CPED1: variants seen among roughly 807,000 people sequenced by gnomAD.
The protein encoded by CPED1 is cadherin-like and PC-esterase domain-containing protein 1.
Under a neutral mutation model 128.2 loss-of-function variants are expected in CPED1, and 114 were observed. The ratio of observed to expected loss-of-function variants is 0.89; its 90% confidence interval spans 0.76 to 1.04. The LOEUF (loss-of-function observed/expected upper bound fraction) is 1.04, where lower values mean the gene tolerates loss of function less well. CPED1 is among the 50% of genes least tolerant of loss of function. The pLI, the probability that CPED1 is intolerant of heterozygous loss-of-function variation, is 0.00. For missense variants in CPED1, 1,211 were observed against 1,207.1 expected, an observed-to-expected ratio of 1.00 and a Z score of -0.05; for synonymous variants, 462 against 426.7, an observed-to-expected ratio of 1.08 and a Z score of -1.02.
At chr7:121,188,629 C>T (rs1797057734) in intron 16 of CPED1, among the ~76,000 whole-genome samples, 1 of 151,858 alleles carries the variant, frequency 6.6e-6, no homozygotes, top group Non-Finnish European at 1.5e-5. Flanking sequence ...AGGATCATAA[C>T]ATTTAGAGAT....
chr7:121,295,391 T>C, intron 22 of CPED1, 49 bp from the exon 23 acceptor site: 2 of 1,558,230 alleles, frequency 1.3e-6, no homozygotes, highest in African/African-American at 2.7e-5. Context: ...TATGCAGGGA[T>C]TGGATATTCT....
At chr7:120,996,043 C>T (rs1025284455) in intron 2 of CPED1, among the ~76,000 whole-genome samples, 14 of 151,792 alleles carry the variant, frequency 9.2e-5, no homozygotes. Context: ...CTTTGGGAGG[C>T]TGAAGCAGGA....
At chr7:121,119,103 G>T (rs1391340505) in intron 7 of CPED1, among the ~76,000 whole-genome samples, 2 of 149,404 alleles carry the variant, frequency 1.3e-5, no homozygotes, top group African/African-American at 4.9e-5. Flanking sequence ...GACTAATTAT[G>T]TATGACCAAT....
chr7:121,017,132 G>C (rs1220282601), intron 3 of CPED1, among the ~76,000 whole-genome samples: 1 of 152,202 alleles, frequency 6.6e-6, no homozygotes, highest in Admixed American at 6.5e-5. Context: ...GATCTGCTTT[G>C]ATGAGAAGAA....
In CPED1 at chr7:121,118,679, G is replaced by A. The variant is rs1795312374; in HGVS notation, c.919-5652G>A. On this transcript the variant is annotated intron_variant, in intron 7 of 22. Coordinates refer to ENST00000310396, the MANE Select transcript of CPED1 (RefSeq NM_024913.5). ...ACTGTGTAGTTTATAAAGAAAAGAGGTTTAATTGGCTCACCGTCCTGCAGG... is the reference window on the plus strand; with the variant it reads ...ACTGTGTAGTTTATAAAGAAAAGAGATTTAATTGGCTCACCGTCCTGCAGG... Among the ~76,000 whole-genome samples the A allele has an allele frequency of 2.0e-5, 3 of 152,226 alleles. No homozygotes were observed. The South Asian group carries it at 6.2e-4, about 32-fold the overall frequency.
intron 16 of CPED1, among the ~76,000 whole-genome samples, chr7:121,234,173 G>C (rs1428529661): frequency 1.3e-5 from 2 of 151,826 alleles, no homozygotes; most frequent in Admixed American, 6.6e-5. Flanking sequence ...CTGCTAAAAG[G>C]AAGAAAGGAG....
intron 18 of CPED1, among the ~76,000 whole-genome samples, chr7:121,250,726 G>T (rs1188685772): frequency 1.3e-5 from 2 of 152,070 alleles, no homozygotes; most frequent in Non-Finnish European, 2.9e-5. Flanking sequence ...AGAAGAAATG[G>T]ATAAATTCCT....
At chr7:121,186,082 A>G (rs1279016582) in intron 16 of CPED1, among the ~76,000 whole-genome samples, 2 of 152,182 alleles carry the variant, frequency 1.3e-5, no homozygotes, top group Non-Finnish European at 2.9e-5. Flanking sequence ...GGACTAAGAA[A>G]AAAGGTATTT....
intron 5 of CPED1, 44 bp downstream of exon 5, chr7:121,064,357 G>A (rs758621017): frequency 4.4e-6 from 6 of 1,353,204 alleles, no homozygotes; most frequent in Non-Finnish European, 6.4e-6. Flanking sequence ...TGTGAGATAT[G>A]CAGGCTCCCT....
chr7:121,228,406 T>G (rs1033771945), intron 16 of CPED1, among the ~76,000 whole-genome samples: 1 of 151,154 alleles, frequency 6.6e-6, no homozygotes, highest in Non-Finnish European at 1.5e-5. Flanking sequence ...TCACTAATCA[T>G]CAGAGAAATG....
intron 18 of CPED1, among the ~76,000 whole-genome samples, chr7:121,256,746 G>T (rs1791889511): frequency 6.6e-6 from 1 of 151,886 alleles, no homozygotes; most frequent in South Asian, 2.1e-4. Context: ...AAATTGTTCT[G>T]CCAAAAAGAC....
chr7:121,164,410 T>G (rs1400818278), intron 16 of CPED1, among the ~76,000 whole-genome samples: 1 of 152,240 alleles, frequency 6.6e-6, no homozygotes. Context: ...GCTTCACTTC[T>G]TTCGTTCCTC....
chr7:121,005,209 T>C (rs1791976819), intron 2 of CPED1, among the ~76,000 whole-genome samples: 1 of 152,198 alleles, frequency 6.6e-6, no homozygotes, highest in Admixed American at 6.5e-5. Flanking sequence ...GTTAGTTTGC[T>C]GAGAATGATA....
chr7:121,090,678 G>A (rs867303856), intron 5 of CPED1, among the ~76,000 whole-genome samples: 4 of 152,204 alleles, frequency 2.6e-5, no homozygotes, highest in Admixed American at 6.5e-5. Context: ...TAGGCCAGGC[G>A]TGGTTCACAG....
At chr7:121,050,775 T>C (rs1793329072) in intron 4 of CPED1, 2 of 455,738 alleles carry the variant, frequency 4.4e-6, no homozygotes, top group South Asian at 1.6e-5. Flanking sequence ...CAGGTTGTCT[T>C]AAGTAGCTTT....
chr7:121,205,128 G>A (rs1200388957), intron 16 of CPED1, among the ~76,000 whole-genome samples: 1 of 152,030 alleles, frequency 6.6e-6, no homozygotes, highest in Non-Finnish European at 1.5e-5. Flanking sequence ...GATAGGTATA[G>A]TAATTATAAT....
At position 121,087,665 on chromosome 7, in the gene CPED1, C is replaced by CTTTTTTTTTTTTTTTTTTTTTT. The variant is rs72453872; in HGVS notation, c.617-10033_617-10032insTTTTTTTTTTTTTTTTTTTTTT. The stretch of plus-strand genomic sequence containing the variant: ...GGATTCTTTCTTTTTCTTTTCTTTC[C>CTTTTTTTTTTTTTTTTTTTTTT]TGTTTTTTTTTTTTTGGCAGAGTCT... On this transcript the variant is annotated intron_variant, in intron 5 of 22. Coordinates refer to ENST00000310396, the MANE Select transcript of CPED1 (RefSeq NM_024913.5). Among the ~76,000 whole-genome samples, 94 of 131,544 alleles carry CTTTTTTTTTTTTTTTTTTTTTT rather than the reference C, an allele frequency of 7.1e-4. 10 individuals carry two copies. The highest frequency in any genetic ancestry group is 2.7e-3 in the African/African-American group (87 of 31,754). The allele number at this position is 131,544 out of a possible 152,430, so 86.3% of individuals were successfully genotyped here.
intron 7 of CPED1, among the ~76,000 whole-genome samples, chr7:121,101,046 T>G (rs1219153780): frequency 6.6e-6 from 1 of 152,194 alleles, no homozygotes; most frequent in Admixed American, 6.5e-5. Flanking sequence ...TAACATACAG[T>G]GGTCACTGTT....
At chr7:120,998,814 CTTTTT>C in intron 2 of CPED1, among the ~76,000 whole-genome samples, 1 of 143,612 alleles carries the variant, frequency 7.0e-6, no homozygotes, top group South Asian at 2.2e-4. Context: ...TTGTGGAATC[CTTTTT>C]TTTTTTTTTA....
Sources: allele counts gnomAD v4.1 joint callset (sites outside exome capture counted in the v4.1 genomes callset), GRCh38; gene constraint gnomAD v4.1.1; transcripts MANE v1.5; gene names NCBI Gene and HGNC (gene_info 2026-07-23, HGNC 2026-07-21).